Variants in EPHA3 observed in about 807,000 individuals in gnomAD.
EPHA3 encodes ephrin type-A receptor 3.
Under a neutral mutation model 107.1 loss-of-function variants are expected in EPHA3, and 42 were observed. That is an observed-to-expected ratio of 0.39 (90% CI 0.31 to 0.51). The LOEUF (loss-of-function observed/expected upper bound fraction) is 0.51. EPHA3 is among the 20% of genes least tolerant of loss of function. The pLI is 0.78. For missense variants in EPHA3, 1,183 were observed against 1,211.2 expected (o/e 0.98, Z 0.35); for synonymous variants, 461 against 424.8 (o/e 1.09, Z -1.05).
chr3:89,216,973 G>A (rs1003596730), intron 3 of EPHA3, among the ~76,000 whole-genome samples: 5 of 152,092 alleles, frequency 3.3e-5, no homozygotes, highest in South Asian at 2.1e-4. Context: ...TAGATTCTGT[G>A]AAATATACTG....
At chr3:89,402,827 G>T (rs1708991114) in intron 7 of EPHA3, among the ~76,000 whole-genome samples, 1 of 152,082 alleles carries the variant, frequency 6.6e-6, no homozygotes, top group African/African-American at 2.4e-5. Context: ...ACAGGCATGT[G>T]CCACAATGCC....
At chr3:89,151,742 A>G (rs545457944) in intron 2 of EPHA3, among the ~76,000 whole-genome samples, 1 of 152,254 alleles carries the variant, frequency 6.6e-6, no homozygotes, top group African/African-American at 2.4e-5. Flanking sequence ...GGATATGTGT[A>G]TAAACGCACA....
chr3:89,316,086 A>G (rs748661534), intron 3 of EPHA3, among the ~76,000 whole-genome samples: 4 of 151,832 alleles, frequency 2.6e-5, no homozygotes, highest in Non-Finnish European at 5.9e-5. Flanking sequence ...AAGTTGCCAT[A>G]ACCCACAGCT....
chr3:89,309,677 T>G (rs1288398733), intron 3 of EPHA3, among the ~76,000 whole-genome samples: 1 of 152,172 alleles, frequency 6.6e-6, no homozygotes, highest in Non-Finnish European at 1.5e-5. Flanking sequence ...ATTCATTTAT[T>G]TGATAGGCTT....
chr3:89,291,548 A>G (rs1168759598), intron 3 of EPHA3, among the ~76,000 whole-genome samples: 2 of 152,186 alleles, frequency 1.3e-5, no homozygotes, highest in Non-Finnish European at 2.9e-5. Context: ...TAATCATAAA[A>G]AGATGAAAAA....
At chr3:89,151,108 C>T (rs1166523289) in intron 2 of EPHA3, among the ~76,000 whole-genome samples, 1 of 151,890 alleles carries the variant, frequency 6.6e-6, no homozygotes, top group Non-Finnish European at 1.5e-5. Flanking sequence ...AAAAATTATA[C>T]AGGAAAAGGA....
At chr3:89,468,523 C>G (rs550625649) in intron 15 of EPHA3, among the ~76,000 whole-genome samples, 1 of 152,252 alleles carries the variant, frequency 6.6e-6, no homozygotes, top group South Asian at 2.1e-4. Flanking sequence ...TACCCACAAA[C>G]CCATAAATAA....
At chr3:89,389,935 G>A (rs1383633805) in intron 5 of EPHA3, among the ~76,000 whole-genome samples, 1 of 152,190 alleles carries the variant, frequency 6.6e-6, no homozygotes, top group East Asian at 1.9e-4. Context: ...AATAGATGAA[G>A]AAACAATCTT....
intron 5 of EPHA3, among the ~76,000 whole-genome samples, chr3:89,357,336 A>T: frequency 6.6e-6 from 1 of 150,724 alleles, no homozygotes; most frequent in East Asian, 1.9e-4. Flanking sequence ...TTTAATCACT[A>T]GACTGTTAGT....
intron 2 of EPHA3, among the ~76,000 whole-genome samples, chr3:89,146,931 C>T (rs551271832): frequency 3.3e-5 from 5 of 151,862 alleles, no homozygotes; most frequent in African/African-American, 1.2e-4. Flanking sequence ...AACTTGGAAC[C>T]AACCCAAATG....
intron 3 of EPHA3, among the ~76,000 whole-genome samples, chr3:89,234,722 TTTCTTTCCTTCCTTCC>T (rs146441684): frequency 0.035 from 5,145 of 148,870 alleles, 303 homozygotes; most frequent in African/African-American, 0.12. Context: ...TCCCTTCCCT[TTTCTTTCCTTCCTTCC>T]TTCTTTCCTT....
At chr3:89,331,026 G>A (rs1707273358) in intron 3 of EPHA3, among the ~76,000 whole-genome samples, 1 of 152,092 alleles carries the variant, frequency 6.6e-6, no homozygotes, top group East Asian at 1.9e-4. Flanking sequence ...GTGGTGAGTG[G>A]ATGTTTGTGC....
intron 14 of EPHA3, among the ~76,000 whole-genome samples, chr3:89,449,911 C>T (rs1324340615): frequency 6.6e-6 from 1 of 152,102 alleles, no homozygotes; most frequent in Non-Finnish European, 1.5e-5. Context: ...TATCATTTAA[C>T]ATTTCTTTTT....
intron 3 of EPHA3, among the ~76,000 whole-genome samples, chr3:89,215,114 A>C (rs937595306): frequency 3.3e-5 from 5 of 151,786 alleles, no homozygotes; most frequent in Non-Finnish European, 7.4e-5. Flanking sequence ...ATTTCACCTG[A>C]CTCTGGATAG....
intron 3 of EPHA3, among the ~76,000 whole-genome samples, chr3:89,271,906 C>T (rs1576280489): frequency 1.3e-5 from 2 of 151,750 alleles, no homozygotes; most frequent in Non-Finnish European, 2.9e-5. Flanking sequence ...GTAAGACCAA[C>T]CCTTCCCCTT....
At chr3:89,198,999 T>A (rs944880310) in intron 2 of EPHA3, among the ~76,000 whole-genome samples, 2 of 152,212 alleles carry the variant, frequency 1.3e-5, no homozygotes, top group Admixed American at 6.5e-5. Context: ...ATTACTTTTT[T>A]ATTGGACAAT....
Position 89,413,137 on chromosome 3 carries a change from AC to A in EPHA3, c.1763-3del. ...ATTGCGCCTTTCTTTCTTTCCTCAA[AC>A]AGTAAAACTTCCAGGTCTCAGGACT... On this transcript the variant is annotated splice_region_variant and splice_polypyrimidine_tract_variant and intron_variant, in intron 9 of 16. Transcript: ENST00000336596. 6.2e-7 allele frequency: 1 copy of A among 1,610,634 alleles called. No individual in the cohort carries two copies. Among genetic ancestry groups the A allele is most frequent in the South Asian group, 1.1e-5 (1 of 90,962 alleles).
chr3:89,346,711 G>T (rs1332275411), intron 5 of EPHA3, among the ~76,000 whole-genome samples: 1 of 150,530 alleles, frequency 6.6e-6, no homozygotes, highest in South Asian at 2.1e-4. Flanking sequence ...GTCCTGAATG[G>T]TATTGCCTAG....
intron 3 of EPHA3, among the ~76,000 whole-genome samples, chr3:89,250,003 C>G (rs1705124589): frequency 6.6e-6 from 1 of 152,088 alleles, no homozygotes; most frequent in Non-Finnish European, 1.5e-5. Context: ...GTTACATCAC[C>G]AGACTTACTA....
Sources: allele counts gnomAD v4.1 joint callset (sites outside exome capture counted in the v4.1 genomes callset), GRCh38; gene constraint gnomAD v4.1.1; transcripts MANE v1.5; gene names NCBI Gene and HGNC (gene_info 2026-07-23, HGNC 2026-07-21).